The following TRIM63 variants were observed in gnomAD, a reference collection of about 807,000 sequenced individuals.
TRIM63 encodes E3 ubiquitin-protein ligase TRIM63.
In TRIM63, 48 loss-of-function variants were observed where a neutral mutation model predicts 46.0. That is an observed-to-expected ratio of 1.04 (90% CI 0.83 to 1.33). TRIM63 has a LOEUF of 1.33. Ranked by LOEUF, TRIM63 falls within the 40% of genes most tolerant of loss-of-function variation. The probability of loss-of-function intolerance (pLI) is 0.00; values close to 1 mark genes in which losing one functional copy is unlikely to be tolerated. For missense variants in TRIM63, 455 were observed against 441.2 expected (o/e 1.03, Z -0.28); for synonymous variants, 175 against 162.8 (o/e 1.08, Z -0.57).
At chr1:26,052,570 G>A (rs1295877699) in intron 8 of TRIM63, among the ~76,000 whole-genome samples, 2 of 152,168 alleles carry the variant, frequency 1.3e-5, no homozygotes, top group East Asian at 1.9e-4. Context: ...GGGTTCTAGC[G>A]ATTCTCCTGC....
chr1:26,051,808 C>T lies in TRIM63; in HGVS notation c.*65G>A, dbSNP rs372180444. ...CCCACCCTGGGCCTGTCACCAAGGC[C>T]GCTGGGCCCCTCCCCACCCTCTCCA... On this transcript the variant is annotated 3_prime_UTR_variant, in exon 9 of 9. Coordinates refer to ENST00000374272, the MANE Select transcript of TRIM63 (RefSeq NM_032588.4). The T allele has an allele frequency of 3.2e-4, 411 of 1,289,352 alleles. No homozygotes were observed. In the African/African-American group the frequency reaches 4.8e-3, roughly 15 times the overall value. 79.9% of individuals were successfully genotyped at this position (1,289,352 alleles called of 1,614,324 possible).
intron 2 of TRIM63, among the ~76,000 whole-genome samples, chr1:26,064,044 C>A (rs999597321): frequency 6.6e-6 from 1 of 152,256 alleles, no homozygotes; most frequent in African/African-American, 2.4e-5. Flanking sequence ...GCCTGTAATG[C>A]CAGAACTTTG....
chr1:26,067,557 C>A lies in TRIM63; in HGVS notation c.-63G>T. 6.4e-7 allele frequency: 1 copy of A among 1,567,554 alleles called. No homozygotes were observed. Among genetic ancestry groups the A allele is most frequent in the Non-Finnish European group, 8.7e-7 (1 of 1,153,490 alleles). On this transcript the variant is annotated 5_prime_UTR_variant, in exon 1 of 9. Transcript: ENST00000374272. Reference sequence around the variant, plus strand: ...CTCTACTAACTTTGCTCTAAGTAGACCTGGGGGTCTTGCCTTTGTCACAAA... The same window carrying A: ...CTCTACTAACTTTGCTCTAAGTAGAACTGGGGGTCTTGCCTTTGTCACAAA...
At chr1:26,058,282 T>G in intron 5 of TRIM63, 108 bp downstream of exon 5, 1 of 944,552 alleles carries the variant, frequency 1.1e-6, no homozygotes, top group East Asian at 2.4e-5. Flanking sequence ...CACAGAGGTT[T>G]AAATGGCTTT....
chr1:26,057,098 G>T, intron 7 of TRIM63, 105 bp downstream of exon 7: 2 of 1,408,300 alleles, frequency 1.4e-6, no homozygotes, highest in Non-Finnish European at 1.9e-6. Flanking sequence ...GATATTTGGG[G>T]ATCTTTATTA....
In TRIM63 at chr1:26,060,259, C is replaced by A; in HGVS notation, c.597+7G>T. ...AATCCCCAGGCAGGACTATTCTGTC[C>A]GCTCACCTTGGTCACTCGACGGGAA... On this transcript the variant is annotated splice_region_variant and intron_variant, in intron 4 of 8. Coordinates refer to ENST00000374272, the MANE Select transcript of TRIM63 (RefSeq NM_032588.4). 1 of 1,612,506 alleles carries A rather than the reference C, an allele frequency of 6.2e-7. No homozygotes were observed. Among genetic ancestry groups the A allele is most frequent in the Non-Finnish European group, 8.5e-7 (1 of 1,178,872 alleles).
chr1:26,058,604 T>C lies in TRIM63; in HGVS notation c.617A>G (p.Lys206Arg). The part of the protein sequence containing the change: ...RVTKENSHQV[K>R]EELSQKFDTL... ...GTCAAACTTCTGGCTCAGCTCTTCC[T>C]TTACCTGGTGACTGTTCTCCTGAGG... The change falls in exon 5 of 9, where the codon AAG becomes AGG. Residue 206 changes from lysine to arginine, a missense_variant. Physicochemically the swap from Lys to Arg is conservative, Grantham distance 26 (BLOSUM62 2). Transcript: ENST00000374272. 6.2e-7 allele frequency: 1 copy of C among 1,614,140 alleles called. No homozygotes were observed. Among genetic ancestry groups the C allele is most frequent in the Non-Finnish European group, 8.5e-7 (1 of 1,180,028 alleles).
chr1:26,066,583 AC>A, intron 1 of TRIM63, 143 bp from the exon 2 acceptor site: 1 of 692,260 alleles, frequency 1.4e-6, no homozygotes, highest in Non-Finnish European at 2.3e-6. Context: ...TGTGATGAGA[AC>A]CAGTCCTCAC....
chr1:26,063,533 T>C (rs1006764593), intron 2 of TRIM63, among the ~76,000 whole-genome samples: 1 of 152,168 alleles, frequency 6.6e-6, no homozygotes, highest in African/African-American at 2.4e-5. Context: ...CATCCCCTGA[T>C]AAAGGGATGG....
intron 2 of TRIM63, among the ~76,000 whole-genome samples, chr1:26,063,113 C>T (rs1262134384): frequency 6.6e-6 from 1 of 151,912 alleles, no homozygotes; most frequent in Admixed American, 6.6e-5. Flanking sequence ...CCATATTGTC[C>T]AGGCTGGAGT....
In TRIM63 at chr1:26,060,470, G is replaced by C. The variant is rs562678261; in HGVS notation, c.502-109C>G. 8.1e-4 allele frequency: 639 copies of C among 793,732 alleles called. 4 individuals are homozygous for C. Among genetic ancestry groups the C allele is most frequent in the Non-Finnish European group, 1.2e-3 (555 of 464,706 alleles). 49.2% of individuals were successfully genotyped at this position (793,732 alleles called of 1,614,324 possible). Reference sequence around the variant, plus strand: ...TCCTCCCTCCCCTCTCTGCTAGAAAGAGCCTCCAGTAGGGATCTGGCCCCT... The same window carrying C: ...TCCTCCCTCCCCTCTCTGCTAGAAACAGCCTCCAGTAGGGATCTGGCCCCT... On this transcript the variant is annotated intron_variant, in intron 3 of 8. Coordinates refer to ENST00000374272, the MANE Select transcript of TRIM63 (RefSeq NM_032588.4).
At chr1:26,067,165 G>C (rs2050685885) in intron 1 of TRIM63, among the ~76,000 whole-genome samples, 171 bp downstream of exon 1, 1 of 151,860 alleles carries the variant, frequency 6.6e-6, no homozygotes, top group South Asian at 2.1e-4. Context: ...AACCGCAGCA[G>C]CCAGAGCCGC....
intron 8 of TRIM63, among the ~76,000 whole-genome samples, chr1:26,052,581 C>A (rs932173367): frequency 1.3e-5 from 2 of 152,218 alleles, no homozygotes; most frequent in African/African-American, 4.8e-5. Flanking sequence ...ATTCTCCTGC[C>A]TCAGCCTCCC....
rs764848905 is a variant in TRIM63 at position 26,058,521 on chromosome 1, C to T, written c.700G>A (p.Glu234Lys). 4.3e-6 allele frequency: 7 copies of T among 1,614,060 alleles called. No homozygotes were observed. The Admixed American group carries it at 8.3e-5, about 19-fold the overall frequency. The change falls in exon 5 of 9, where the codon GAG becomes AAG. Residue 234 changes from glutamate to lysine, a missense_variant. By Grantham distance (56) the Glu-to-Lys change is moderately conservative. Coordinates refer to ENST00000374272, the MANE Select transcript of TRIM63 (RefSeq NM_032588.4). ...KSELLQRITQ[E>K]QEKKLSFIEA... ...ATGAAGCTAAGCTTTTTCTCCTGCT[C>T]CTGCGTGATCCGCTGCAGCAACTCA...
intron 1 of TRIM63, 51 bp from the exon 2 acceptor site, chr1:26,066,491 C>G: frequency 6.8e-7 from 1 of 1,464,702 alleles, no homozygotes; most frequent in Non-Finnish European, 9.0e-7. Context: ...CTTAGCCCTT[C>G]TCTTTTCTAA....
Position 26,061,224 on chromosome 1 carries a change from AACACCT to A in TRIM63, c.437_442del (p.Lys146_Phe148delinsIle), listed in dbSNP as rs745733543. 29 of 1,614,074 alleles carry A rather than the reference AACACCT, an allele frequency of 1.8e-5. No individual in the cohort carries two copies. The highest frequency in any genetic ancestry group is 1.6e-4 in the Middle Eastern group (1 of 6,082). On this transcript the variant is annotated inframe_deletion, in exon 3 of 9. Transcript: ENST00000374272. ...CACCTCGCAGGCCTTGTGGATCCCA[AACACCT>A]TGCACATGGAGCAGGTGGGCACCTC...
chr1:26,054,184 G>C (rs2050549061), intron 7 of TRIM63, among the ~76,000 whole-genome samples: 1 of 152,112 alleles, frequency 6.6e-6, no homozygotes, highest in Admixed American at 6.5e-5. Flanking sequence ...GTCCCAGGGA[G>C]CTGGGCTCAA....
intron 8 of TRIM63, among the ~76,000 whole-genome samples, chr1:26,052,623 C>G (rs182533954): frequency 5.3e-5 from 8 of 152,116 alleles, no homozygotes; most frequent in African/African-American, 1.9e-4. Context: ...CCCGTCACCA[C>G]GCCTGGCTAA....
rs555556543 is a variant in TRIM63 at position 26,066,562 on chromosome 1, G to A, written c.160-122C>T. On this transcript the variant is annotated intron_variant, in intron 1 of 8. Coordinates refer to ENST00000374272, the MANE Select transcript of TRIM63 (RefSeq NM_032588.4). ...CCCCCGTCAAACCTAACAACCTGGAGCTCTGCAGACTGTGATGAGAACCAG... is the reference window on the plus strand; with the variant it reads ...CCCCCGTCAAACCTAACAACCTGGAACTCTGCAGACTGTGATGAGAACCAG... 5.0e-5 allele frequency: 44 copies of A among 883,332 alleles called. No homozygotes were observed. In the African/African-American group the frequency reaches 6.7e-4, roughly 13 times the overall value. The allele number at this position is 883,332 out of a possible 1,614,324, so 54.7% of individuals were successfully genotyped here.
Sources: gnomAD v4.1 joint callset for allele counts (sites outside exome capture counted in the v4.1 genomes callset) on GRCh38, gnomAD v4.1.1 for gene constraint, MANE v1.5 for transcripts, NCBI Gene and HGNC (gene_info 2026-07-23, HGNC 2026-07-21) for gene names.